NRG3: variants seen among roughly 807,000 people sequenced by gnomAD.
NRG3 encodes neuregulin 3.
Under a neutral mutation model 66.9 loss-of-function variants are expected in NRG3, and 31 were observed. That is an observed-to-expected ratio of 0.46 (90% CI 0.35 to 0.63). The LOEUF is 0.63. Ranked by LOEUF, NRG3 falls within the 20% of genes least tolerant of loss-of-function variation. The probability of loss-of-function intolerance (pLI) is 0.00; values close to 1 mark genes in which losing one functional copy is unlikely to be tolerated. For synonymous variants in NRG3, 393 were observed against 359.4 expected (o/e 1.09, Z -1.06); for missense variants, 910 against 878.9 (o/e 1.04, Z -0.45).
chr10:82,832,793 T>C (rs1181372286), intron 3 of NRG3, among the ~76,000 whole-genome samples: 2 of 145,780 alleles, frequency 1.4e-5, no homozygotes, highest in African/African-American at 5.2e-5. Flanking sequence ...ACAGAAGAGG[T>C]ATGCATGTAA....
intron 2 of NRG3, among the ~76,000 whole-genome samples, chr10:82,435,779 C>CTTTTTTTTTTTTTTT (rs1158502018): frequency 1.8e-4 from 19 of 108,270 alleles, no homozygotes; most frequent in African/African-American, 6.2e-4. Flanking sequence ...CTTTTCTTTT[C>CTTTTTTTTTTTTTTT]TTTTTTTTTT....
At chr10:82,847,332 CTT>C (rs946330039) in intron 3 of NRG3, among the ~76,000 whole-genome samples, 18 of 152,274 alleles carry the variant, frequency 1.2e-4, no homozygotes, top group African/African-American at 4.1e-4. Flanking sequence ...TACGTTGACA[CTT>C]TGAATAGATG....
intron 1 of NRG3, among the ~76,000 whole-genome samples, chr10:82,165,168 T>C (rs866806417): frequency 2.7e-4 from 41 of 152,256 alleles, no homozygotes; most frequent in African/African-American, 9.4e-4. Flanking sequence ...TATATTTTAT[T>C]AATTTATAAA....
intron 1 of NRG3, among the ~76,000 whole-genome samples, chr10:82,120,980 T>C (rs1205821748): frequency 6.6e-6 from 1 of 152,150 alleles, no homozygotes; most frequent in Non-Finnish European, 1.5e-5. Context: ...TAACTTACTT[T>C]GTTTTGAAGC....
intron 1 of NRG3, among the ~76,000 whole-genome samples, chr10:81,924,638 C>G (rs953162505): frequency 7.9e-5 from 12 of 152,146 alleles, no homozygotes; most frequent in African/African-American, 2.9e-4. Context: ...GGAATGTGGA[C>G]TTTCTATTAT....
chr10:82,639,872 G>T (rs539612943), intron 2 of NRG3, among the ~76,000 whole-genome samples: 1 of 152,076 alleles, frequency 6.6e-6, no homozygotes, highest in South Asian at 2.1e-4. Flanking sequence ...CATCACCCAG[G>T]TATTAAGCCT....
chr10:81,888,168 G>A (rs575795949), intron 1 of NRG3, among the ~76,000 whole-genome samples: 40 of 152,182 alleles, frequency 2.6e-4, no homozygotes, highest in Non-Finnish European at 5.0e-4. Flanking sequence ...CCTGGCTTCA[G>A]CATTTTCCTT....
At chr10:82,357,825 G>A (rs1198713587) in intron 1 of NRG3, among the ~76,000 whole-genome samples, 1 of 152,164 alleles carries the variant, frequency 6.6e-6, no homozygotes, top group African/African-American at 2.4e-5. Context: ...AATATCCCAT[G>A]CTTGAATATT....
At chr10:82,920,083 A>C (rs1401524852) in intron 4 of NRG3, among the ~76,000 whole-genome samples, 1 of 152,196 alleles carries the variant, frequency 6.6e-6, no homozygotes, top group Admixed American at 6.5e-5. Flanking sequence ...AAGTTGGACA[A>C]ACTAAAACTC....
intron 4 of NRG3, among the ~76,000 whole-genome samples, chr10:82,875,090 G>T (rs1841689421): frequency 6.6e-6 from 1 of 152,186 alleles, no homozygotes; most frequent in Non-Finnish European, 1.5e-5. Context: ...CTCACATGGG[G>T]TAATCTACAG....
At chr10:82,885,012 T>G (rs891402765) in intron 4 of NRG3, among the ~76,000 whole-genome samples, 15 of 152,332 alleles carry the variant, frequency 9.8e-5, no homozygotes, top group Admixed American at 1.3e-4. Context: ...TATTTATTGT[T>G]TGCTGTAGAA....
At chr10:82,749,463 C>T (rs1275690270) in intron 3 of NRG3, among the ~76,000 whole-genome samples, 1 of 152,150 alleles carries the variant, frequency 6.6e-6, no homozygotes, top group African/African-American at 2.4e-5. Context: ...CTCATCCTCT[C>T]CATGTGAGCA....
rs192782824 is a variant in NRG3, at chr10:82,094,230, A to G, written c.823+218067A>G. ...TTTTTATGAGATTTGTATGTTTGTG[A>G]TGGCCTTATATTGAATTGCAGTCAC... On this transcript the variant is annotated intron_variant, in intron 1 of 8. Coordinates refer to ENST00000372141, the MANE Select transcript of NRG3 (RefSeq NM_001010848.4). 1.2e-3 allele frequency among the ~76,000 whole-genome samples: 185 copies of G among 152,326 alleles called. 1 individual carries two copies. The highest frequency in any genetic ancestry group is 4.3e-3 in the African/African-American group (180 of 41,582).
At chr10:82,496,302 G>T (rs1488944422) in intron 2 of NRG3, among the ~76,000 whole-genome samples, 1 of 152,180 alleles carries the variant, frequency 6.6e-6, no homozygotes, top group East Asian at 1.9e-4. Context: ...AGGAGACAAG[G>T]TCAGCATTCA....
chr10:82,418,963 A>G (rs1011229879), intron 2 of NRG3, among the ~76,000 whole-genome samples: 9 of 152,128 alleles, frequency 5.9e-5, no homozygotes, highest in African/African-American at 2.2e-4. Context: ...CTTCAGATGA[A>G]AAAGACATTT....
intron 1 of NRG3, among the ~76,000 whole-genome samples, chr10:82,132,331 A>G (rs2068886853): frequency 6.7e-6 from 1 of 150,270 alleles, no homozygotes; most frequent in African/African-American, 2.4e-5. Flanking sequence ...ATATGATGTT[A>G]TCGTGTTGAT....
At chr10:82,855,510 ACCTCAG>A (rs2063760509) in intron 3 of NRG3, among the ~76,000 whole-genome samples, 1 of 151,546 alleles carries the variant, frequency 6.6e-6, no homozygotes, top group Non-Finnish European at 1.5e-5. Context: ...CCATCCTCCC[ACCTCAG>A]CCTTCCTGGT....
chr10:82,782,912 G>T (rs905556634), intron 3 of NRG3, among the ~76,000 whole-genome samples: 1 of 152,136 alleles, frequency 6.6e-6, no homozygotes, highest in African/African-American at 2.4e-5. Flanking sequence ...CCAAAAAAGA[G>T]AATTTTAGAC....
At chr10:82,219,659 T>A (rs975410371) in intron 1 of NRG3, among the ~76,000 whole-genome samples, 1 of 152,142 alleles carries the variant, frequency 6.6e-6, no homozygotes, top group Admixed American at 6.6e-5. Context: ...TAATTGGAAT[T>A]AATATTTGTT....
Sources: allele counts gnomAD v4.1 joint callset (sites outside exome capture counted in the v4.1 genomes callset), GRCh38; gene constraint gnomAD v4.1.1; transcripts MANE v1.5; gene names NCBI Gene and HGNC (gene_info 2026-07-23, HGNC 2026-07-21).